The following TNR variants were observed in gnomAD, a reference collection of about 807,000 sequenced individuals.
TNR encodes the protein tenascin R.
Under a neutral mutation model 150.4 loss-of-function variants are expected in TNR, and 45 were observed. The observed-to-expected ratio is 0.30, with a 90% CI of 0.24 to 0.38. TNR has a LOEUF of 0.38. Among genes scored for constraint, TNR ranks in the 10% least tolerant of loss-of-function variants. The probability of loss-of-function intolerance (pLI) is 1.00; values close to 1 mark genes in which losing one functional copy is unlikely to be tolerated. For missense variants in TNR, 1,544 were observed against 1,759.1 expected, an observed-to-expected ratio of 0.88 and a Z score of 2.19; for synonymous variants, 687 against 678.4, an observed-to-expected ratio of 1.01 and a Z score of -0.20.
At position 175,403,429 on chromosome 1, in the gene TNR, GT is replaced by G; in HGVS notation, c.686del (p.Asp229AlafsTer36). On this transcript the variant is annotated frameshift_variant, in exon 4 of 23. Transcript: ENST00000367674. LOFTEE classifies it high-confidence loss of function. The stretch of plus-strand genomic sequence containing the variant: ...CTGTTGGGCACCGGAGTTCGGAACA[GT>G]CATCCCCGCTGTACTCGCTGTCACA... ...CICDSEYSGD[D>X]CSELRCPTDC... 1 of 1,614,196 alleles carries G rather than the reference GT, an allele frequency of 6.2e-7. No homozygotes were observed. Among genetic ancestry groups the G allele is most frequent in the Admixed American group, 1.7e-5 (1 of 60,030 alleles).
chr1:175,335,490 T>C, intron 20 of TNR: 2 of 478,294 alleles, frequency 4.2e-6, no homozygotes, highest in Middle Eastern at 3.5e-4. Context: ...AGACTATTAA[T>C]GAGGATGGGA....
At chr1:175,697,595 C>T (rs1283103232) in intron 1 of TNR, among the ~76,000 whole-genome samples, 1 of 152,156 alleles carries the variant, frequency 6.6e-6, no homozygotes, top group African/African-American at 2.4e-5. Context: ...CTTTACTGCA[C>T]TTTGATTTCA....
At position 175,528,345 on chromosome 1, in the gene TNR, T is replaced by C. The variant is rs1659930420; in HGVS notation, c.-140A>G. The C allele has an allele frequency of 6.6e-6, 1 of 152,198 alleles. No individual in the cohort carries two copies. Among genetic ancestry groups the C allele is most frequent in the South Asian group, 2.1e-4 (1 of 4,828 alleles). The allele number at this position is 152,198 out of a possible 1,614,324, so 9.4% of individuals were successfully genotyped here. The stretch of plus-strand genomic sequence containing the variant: ...CTAATTCCAAAAGAGACCTGCCCTC[T>C]ATGCAGTTAAAACGATACAGCCACC... On this transcript the variant is annotated 5_prime_UTR_variant, in exon 2 of 23. In the 5' UTR this introduces an upstream ATG that the reference lacks. Transcript: ENST00000367674.
chr1:175,459,871 AAGAG>A (rs3030939), intron 2 of TNR, among the ~76,000 whole-genome samples: 104,031 of 150,744 alleles, frequency 0.69, 36,168 homozygotes, highest in African/African-American at 0.8. Context: ...ATGAAAGAAC[AAGAG>A]AGAGAGAGAG....
intron 2 of TNR, among the ~76,000 whole-genome samples, chr1:175,463,954 A>T (rs1656924222): frequency 6.6e-6 from 1 of 152,202 alleles, no homozygotes; most frequent in Admixed American, 6.5e-5. Flanking sequence ...CCAAGGAGTG[A>T]TGTTCTTTTC....
chr1:175,369,612 T>C (rs1411326731), intron 9 of TNR, among the ~76,000 whole-genome samples: 1 of 152,196 alleles, frequency 6.6e-6, no homozygotes, highest in Non-Finnish European at 1.5e-5. Flanking sequence ...GAGTACATCA[T>C]CTTTTTATAA....
At chr1:175,580,306 G>A (rs1337847822) in intron 1 of TNR, among the ~76,000 whole-genome samples, 4 of 152,186 alleles carry the variant, frequency 2.6e-5, no homozygotes, top group Non-Finnish European at 5.9e-5. Context: ...CTGGCACAGT[G>A]CTGCACACTG....
chr1:175,697,728 C>T (rs1227743039), intron 1 of TNR, among the ~76,000 whole-genome samples: 3 of 152,252 alleles, frequency 2.0e-5, no homozygotes, highest in Admixed American at 2.0e-4. Flanking sequence ...CTTGGGAGGG[C>T]ACAGGGGGAC....
chr1:175,587,696 C>A (rs1267973110), intron 1 of TNR, among the ~76,000 whole-genome samples: 1 of 152,102 alleles, frequency 6.6e-6, no homozygotes, highest in Non-Finnish European at 1.5e-5. Flanking sequence ...CTAGACCCTA[C>A]CCCAATAATT....
intron 1 of TNR, among the ~76,000 whole-genome samples, chr1:175,551,785 A>G (rs969202378): frequency 6.6e-6 from 1 of 152,236 alleles, no homozygotes; most frequent in African/African-American, 2.4e-5. Flanking sequence ...ACAAAGGTAA[A>G]ATAATGAAAA....
chr1:175,538,041 G>A (rs978560818), intron 1 of TNR, among the ~76,000 whole-genome samples: 2 of 152,208 alleles, frequency 1.3e-5, no homozygotes, highest in Admixed American at 1.3e-4. Flanking sequence ...TAAGAAACCT[G>A]AGCAAGGGCA....
At chr1:175,422,832 G>A (rs1212488353) in intron 2 of TNR, among the ~76,000 whole-genome samples, 1 of 152,166 alleles carries the variant, frequency 6.6e-6, no homozygotes, top group Non-Finnish European at 1.5e-5. Flanking sequence ...TCTCTCATAG[G>A]TGCACCTGCT....
intron 2 of TNR, among the ~76,000 whole-genome samples, chr1:175,506,070 T>C (rs1226917624): frequency 1.3e-5 from 2 of 152,246 alleles, no homozygotes; most frequent in South Asian, 2.1e-4. Flanking sequence ...ATTCTATAAA[T>C]GATGAGCACA....
At chr1:175,613,634 G>A (rs1256042741) in intron 1 of TNR, among the ~76,000 whole-genome samples, 1 of 152,110 alleles carries the variant, frequency 6.6e-6, no homozygotes, top group Non-Finnish European at 1.5e-5. Context: ...CTGTGGGTGT[G>A]TCATTATTAC....
At chr1:175,715,934 A>T (rs1409363877) in intron 1 of TNR, among the ~76,000 whole-genome samples, 1 of 152,216 alleles carries the variant, frequency 6.6e-6, no homozygotes, top group Non-Finnish European at 1.5e-5. Flanking sequence ...CTGCACACAC[A>T]TCAGTGAAGC....
intron 18 of TNR, among the ~76,000 whole-genome samples, chr1:175,345,113 C>CAAACA (rs749052024): frequency 5.5e-4 from 83 of 151,812 alleles, no homozygotes; most frequent in Non-Finnish European, 1.0e-3. Context: ...GTCAAAAAAA[C>CAAACA]AAACAAAACA....
intron 20 of TNR, among the ~76,000 whole-genome samples, chr1:175,332,962 G>A (rs765261066): frequency 6.6e-5 from 10 of 152,198 alleles, no homozygotes; most frequent in Non-Finnish European, 1.5e-4. Context: ...TCAGTCTTTT[G>A]TAATAGAAGA....
chr1:175,723,584 T>A (rs1277825498), intron 1 of TNR, among the ~76,000 whole-genome samples: 2 of 152,234 alleles, frequency 1.3e-5, no homozygotes, highest in African/African-American at 2.4e-5. Flanking sequence ...ACTGATAAAT[T>A]TATTTTGCTA....
At chr1:175,613,510 C>T (rs943760411) in intron 1 of TNR, among the ~76,000 whole-genome samples, 4 of 143,234 alleles carry the variant, frequency 2.8e-5, no homozygotes, top group Admixed American at 1.4e-4. Context: ...TGGTTCTTCT[C>T]GCCTGCAGCT....
Sources: allele counts gnomAD v4.1 joint callset (sites outside exome capture counted in the v4.1 genomes callset), GRCh38; gene constraint gnomAD v4.1.1; transcripts MANE v1.5; gene names NCBI Gene and HGNC (gene_info 2026-07-23, HGNC 2026-07-21).